The following TBC1D22A variants were observed in gnomAD, a reference collection of about 807,000 sequenced individuals.
TBC1D22A encodes the protein TBC1 domain family member 22A, also known as putative GTPase activator.
A neutral mutation model predicts 60.2 loss-of-function variants in TBC1D22A; 38 were observed. That is an observed-to-expected ratio of 0.63 (90% confidence interval 0.49 to 0.83). The LOEUF (loss-of-function observed/expected upper bound fraction) is 0.83, where lower values mean the gene tolerates loss of function less well. Ranked by LOEUF, TBC1D22A falls within the 40% of genes least tolerant of loss-of-function variation. The pLI is 0.00. For synonymous variants in TBC1D22A, 302 were observed against 281.7 expected (o/e 1.07, Z -0.72); for missense variants, 628 against 701.0 (o/e 0.90, Z 1.18).
intron 5 of TBC1D22A, among the ~76,000 whole-genome samples, chr22:46,883,180 G>T (rs1009161007): frequency 6.6e-6 from 1 of 152,154 alleles, no homozygotes. Context: ...TAAAAATGAT[G>T]AGTGAAGCTC....
At chr22:46,913,970 C>G (rs1324104946) in intron 8 of TBC1D22A, 1 of 168,770 alleles carries the variant, frequency 5.9e-6, no homozygotes, top group Non-Finnish European at 1.2e-5. Context: ...GAGACACTCT[C>G]CTTGCCTTCC....
intron 11 of TBC1D22A, among the ~76,000 whole-genome samples, chr22:47,046,434 G>C (rs1422921229): frequency 6.6e-6 from 1 of 152,206 alleles, no homozygotes; most frequent in African/African-American, 2.4e-5. Context: ...TTAGCGACTG[G>C]TTGGGATTTG....
intron 11 of TBC1D22A, among the ~76,000 whole-genome samples, chr22:47,064,788 G>A (rs955948658): frequency 8.5e-5 from 13 of 152,160 alleles, no homozygotes; most frequent in Admixed American, 5.2e-4. Flanking sequence ...GGCCCATTAC[G>A]GTGTCAGGAA....
chr22:46,934,745 A>G (rs1231379950), intron 8 of TBC1D22A, among the ~76,000 whole-genome samples: 1 of 152,182 alleles, frequency 6.6e-6, no homozygotes, highest in East Asian at 1.9e-4. Context: ...GTGCAGGGCA[A>G]TGCGTGCCGC....
chr22:46,910,347 C>T (rs1455018796), intron 7 of TBC1D22A, among the ~76,000 whole-genome samples: 1 of 152,026 alleles, frequency 6.6e-6, no homozygotes, highest in Non-Finnish European at 1.5e-5. Flanking sequence ...CTTTGTAGGT[C>T]CCGGGTTGAT....
At chr22:46,849,173 T>TG (rs1205980868) in intron 4 of TBC1D22A, among the ~76,000 whole-genome samples, 3 of 152,192 alleles carry the variant, frequency 2.0e-5, no homozygotes, top group African/African-American at 7.2e-5. Flanking sequence ...CTTTCTTCTG[T>TG]GGCAATGCTG....
At chr22:47,172,682 A>G (rs774741552) in intron 12 of TBC1D22A, among the ~76,000 whole-genome samples, 29 of 152,262 alleles carry the variant, frequency 1.9e-4, no homozygotes, top group African/African-American at 2.4e-5. Flanking sequence ...GCAAATAAGC[A>G]CATTAGAAAG....
intron 1 of TBC1D22A, among the ~76,000 whole-genome samples, chr22:46,776,648 C>T (rs1029233165): frequency 2.6e-5 from 4 of 151,594 alleles, no homozygotes; most frequent in Admixed American, 1.3e-4. Flanking sequence ...ATGGGTAGGA[C>T]GAGGCCAGCC....
In TBC1D22A at chr22:47,126,044, C is replaced by T. The variant is rs539546739; in HGVS notation, c.1425+14441C>T. On this transcript the variant is annotated intron_variant, in intron 12 of 12. Coordinates refer to ENST00000337137, the MANE Select transcript of TBC1D22A (RefSeq NM_014346.5). ...TCGGCCAGGTTGGAGTGCAGTGGCA[C>T]GATCTTGGCTCACTGCAGCCTCCGC... 1.2e-4 allele frequency among the ~76,000 whole-genome samples: 19 copies of T among 152,298 alleles called. No individual in the cohort carries two copies. The South Asian group carries it at 2.7e-3, about 22-fold the overall frequency.
intron 4 of TBC1D22A, among the ~76,000 whole-genome samples, chr22:46,831,432 A>G (rs1409564977): frequency 6.6e-6 from 1 of 152,184 alleles, no homozygotes; most frequent in Non-Finnish European, 1.5e-5. Flanking sequence ...CCGGACTCGG[A>G]GCACAAGCAC....
chr22:46,873,262 A>G (rs2147447570), intron 4 of TBC1D22A, among the ~76,000 whole-genome samples: 1 of 152,342 alleles, frequency 6.6e-6, no homozygotes, highest in African/African-American at 2.4e-5. Context: ...AAAAGTAGAG[A>G]GATGGCCAGT....
At chr22:47,044,264 G>A (rs1169816270) in intron 11 of TBC1D22A, among the ~76,000 whole-genome samples, 2 of 152,204 alleles carry the variant, frequency 1.3e-5, no homozygotes, top group Admixed American at 6.5e-5. Flanking sequence ...GGATGTAAAC[G>A]ATTACTGGCT....
At chr22:46,782,105 T>C (rs1383798524) in intron 1 of TBC1D22A, among the ~76,000 whole-genome samples, 1 of 152,248 alleles carries the variant, frequency 6.6e-6, no homozygotes, top group African/African-American at 2.4e-5. Flanking sequence ...CCTAGGCTGG[T>C]GTGCAGTGGC....
intron 9 of TBC1D22A, among the ~76,000 whole-genome samples, chr22:46,975,803 G>C (rs760626100): frequency 6.6e-6 from 1 of 152,188 alleles, no homozygotes; most frequent in Non-Finnish European, 1.5e-5. Context: ...GAGGAAAGAC[G>C]TGTGGTTTTT....
chr22:46,970,739 C>T (rs1199919047), intron 8 of TBC1D22A, among the ~76,000 whole-genome samples: 1 of 152,146 alleles, frequency 6.6e-6, no homozygotes, highest in African/African-American at 2.4e-5. Context: ...GATTCAGAGA[C>T]CATTCTCTCC....
intron 1 of TBC1D22A, among the ~76,000 whole-genome samples, chr22:46,791,040 T>G (rs183640184): frequency 6.6e-6 from 1 of 152,044 alleles, no homozygotes. Flanking sequence ...ATCCGGCCAT[T>G]TTTTTGTAAT....
intron 8 of TBC1D22A, among the ~76,000 whole-genome samples, chr22:46,935,193 G>A (rs1011642750): frequency 6.6e-6 from 1 of 152,288 alleles, no homozygotes; most frequent in African/African-American, 2.4e-5. Flanking sequence ...TACCTCTGAT[G>A]TCAGCCAAGC....
chr22:46,975,660 C>T (rs1446659606), intron 9 of TBC1D22A, among the ~76,000 whole-genome samples: 1 of 152,128 alleles, frequency 6.6e-6, no homozygotes, highest in Non-Finnish European at 1.5e-5. Flanking sequence ...AAAGGTTGTT[C>T]CTGATACCAC....
chr22:46,909,409 C>T (rs1482508405), intron 7 of TBC1D22A, among the ~76,000 whole-genome samples: 1 of 152,036 alleles, frequency 6.6e-6, no homozygotes. Context: ...GGTGCGTGCT[C>T]CTGGGGCGCT....
Sources: gnomAD v4.1 joint callset for allele counts (sites outside exome capture counted in the v4.1 genomes callset) on GRCh38, gnomAD v4.1.1 for gene constraint, MANE v1.5 for transcripts, NCBI Gene and HGNC (gene_info 2026-07-23, HGNC 2026-07-21) for gene names.